Variants in KIF26A observed in about 807,000 individuals in gnomAD.
The protein encoded by KIF26A is kinesin-like protein KIF26A.
A neutral mutation model predicts 126.0 loss-of-function variants in KIF26A; 74 were observed. The ratio of observed to expected loss-of-function variants is 0.59; its 90% CI spans 0.49 to 0.71. The LOEUF (loss-of-function observed/expected upper bound fraction) is 0.71. KIF26A is among the 30% of genes least tolerant of loss of function. The pLI is 0.00. For synonymous variants in KIF26A, 1,445 were observed against 1,232.7 expected (o/e 1.17, Z -3.61); for missense variants, 2,984 against 2,763.3 (o/e 1.08, Z -1.79).
intron 5 of KIF26A, among the ~76,000 whole-genome samples, chr14:104,168,391 G>A (rs2037926494): frequency 6.6e-6 from 1 of 152,202 alleles, no homozygotes; most frequent in African/African-American, 2.4e-5. Flanking sequence ...GGCAGCCCTG[G>A]CCTGAATTGA....
chr14:104,165,561 G>C (rs1455223923), intron 4 of KIF26A, among the ~76,000 whole-genome samples: 1 of 146,144 alleles, frequency 6.8e-6, no homozygotes, highest in Admixed American at 6.7e-5. Context: ...GTGTGTCTGT[G>C]TGTTTCTGTA....
chr14:104,157,693 G>C (rs948675262), intron 3 of KIF26A, 62 bp from the exon 4 acceptor site: 134 of 1,528,306 alleles, frequency 8.8e-5, no homozygotes, highest in Non-Finnish European at 1.1e-4. Flanking sequence ...CACTCCGGGT[G>C]CCAGGGGGCA....
At chr14:104,167,455 G>A (rs753468726) in intron 5 of KIF26A, among the ~76,000 whole-genome samples, 3 of 152,112 alleles carry the variant, frequency 2.0e-5, no homozygotes, top group Non-Finnish European at 4.4e-5. Context: ...TGTGCAGGCG[G>A]GCCCCTGCCA....
intron 2 of KIF26A, among the ~76,000 whole-genome samples, chr14:104,139,924 G>T (rs2037621441): frequency 6.6e-6 from 1 of 152,210 alleles, no homozygotes; most frequent in South Asian, 2.1e-4. Flanking sequence ...CAGGGGAGGG[G>T]TTCTCCTGGA....
chr14:104,138,613 C>T lies in KIF26A; in HGVS notation c.-110C>T. 3.4e-6 allele frequency: 3 copies of T among 873,348 alleles called. No individual in the cohort carries two copies. The highest frequency in any genetic ancestry group is 4.9e-5 in the South Asian group (1 of 20,616). The allele number at this position is 873,348 out of a possible 1,614,324, so 54.1% of individuals were successfully genotyped here. A position where few individuals can be genotyped will look rare whatever the true frequency, so the allele number is the denominator to read the frequency against. ...CTCGCAGGCTCTGCGAACTTCCGAGCGGCTGGGCCGGGCCATGGGGGCGCC... is the reference window on the plus strand; with the variant it reads ...CTCGCAGGCTCTGCGAACTTCCGAGTGGCTGGGCCGGGCCATGGGGGCGCC... On this transcript the variant is annotated 5_prime_UTR_variant, in exon 1 of 15. Transcript: ENST00000423312.
intron 3 of KIF26A, among the ~76,000 whole-genome samples, chr14:104,155,838 G>A (rs551636027): frequency 2.6e-4 from 40 of 152,286 alleles, no homozygotes; most frequent in African/African-American, 9.6e-4. Context: ...GCCTGAGATG[G>A]GGGAGGGCTC....
chr14:104,144,445 C>T (rs776204515), intron 2 of KIF26A, among the ~76,000 whole-genome samples: 2 of 152,110 alleles, frequency 1.3e-5, no homozygotes, highest in Non-Finnish European at 2.9e-5. Context: ...TGCAGGCTAC[C>T]CCCAAACCTT....
In KIF26A at chr14:104,176,871, C is replaced by G; in HGVS notation, c.4083C>G (p.Pro1361=). ...TCCCGAGGCCCAGTGGGGCGGCCCCCCCGGCCCCACCCACGCGGAAGTCCA... is the reference window on the plus strand; with the variant it reads ...TCCCGAGGCCCAGTGGGGCGGCCCCGCCGGCCCCACCCACGCGGAAGTCCA... ...GFLPRPSGAA[P]PAPPTRKSSL... Residue 1361 remains proline, a synonymous_variant, in exon 12 of 15, where the codon CCC becomes CCG. Coordinates refer to ENST00000423312, the MANE Select transcript of KIF26A (RefSeq NM_015656.2). The G allele has an allele frequency of 6.5e-7, 1 of 1,542,720 alleles. No homozygotes were observed. Among genetic ancestry groups the G allele is most frequent in the Non-Finnish European group, 8.7e-7 (1 of 1,145,244 alleles).
chr14:104,179,934 G>A lies in KIF26A; in HGVS notation c.*144G>A. 7.7e-6 allele frequency: 7 copies of A among 912,482 alleles called. No homozygotes were observed. Among genetic ancestry groups the A allele is most frequent in the Admixed American group, 3.2e-5 (1 of 30,926 alleles). The allele number at this position is 912,482 out of a possible 1,614,324, so 56.5% of individuals were successfully genotyped here. The stretch of plus-strand genomic sequence containing the variant: ...GGGAGTCTCAGAGAGGAGACGGAGT[G>A]TGGGGGAGGGAGGGCCGGCCACGCG... On this transcript the variant is annotated 3_prime_UTR_variant, in exon 15 of 15. Transcript: ENST00000423312.
In KIF26A at chr14:104,176,629, C is replaced by G. The variant is rs554693329; in HGVS notation, c.3841C>G (p.Gln1281Glu). The G allele has an allele frequency of 6.2e-7, 1 of 1,607,920 alleles. No homozygotes were observed. Among genetic ancestry groups the G allele is most frequent in the South Asian group, 1.1e-5 (1 of 90,860 alleles). ...GGCCCAGGTGATGCTAGCCTGTGCC[C>G]AGAGAGTGGTGGACGGGTGTGAGGT... ...PEAQVMLACA[Q>E]RVVDGCEVAA... The change falls in exon 12 of 15, where the codon CAG becomes GAG. Residue 1281 changes from glutamine to glutamate, a missense_variant. Physicochemically the swap from Gln to Glu is conservative, Grantham distance 29. Transcript: ENST00000423312.
intron 5 of KIF26A, among the ~76,000 whole-genome samples, chr14:104,169,992 A>T (rs1027726139): frequency 2.0e-5 from 3 of 152,056 alleles, no homozygotes; most frequent in Admixed American, 2.0e-4. Flanking sequence ...CGGTGCCCCC[A>T]CTGTGGGCTG....
rs572465029 is a variant in KIF26A at position 104,138,752 on chromosome 14, T to C, written c.30T>C (p.Ala10=). 1 of 1,259,996 alleles carries C rather than the reference T, an allele frequency of 7.9e-7. No individual in the cohort carries two copies. The highest frequency in any genetic ancestry group is 9.9e-7 in the Non-Finnish European group (1 of 1,005,178). 78.1% of individuals were successfully genotyped at this position (1,259,996 alleles called of 1,614,324 possible). Residue 10 remains alanine (A), a synonymous_variant, in exon 1 of 15, where the codon GCT becomes GCC. Transcript: ENST00000423312. Reference sequence around the variant, plus strand: ...TCGGCCGCGGCGTCCCTCTGTGCGCTGCGCAGCCCGCGGTACGCGCGGCCC... The same window carrying C: ...TCGGCCGCGGCGTCCCTCTGTGCGCCGCGCAGCCCGCGGTACGCGCGGCCC... MVGRGVPLC[A]AQPAVAEGGP...
chr14:104,156,931 C>T (rs567864124), intron 3 of KIF26A, among the ~76,000 whole-genome samples: 3 of 152,120 alleles, frequency 2.0e-5, no homozygotes, highest in African/African-American at 7.2e-5. Context: ...CGTGACCTGA[C>T]CAGGCCACGG....
rs772458978 is a variant in KIF26A, at chr14:104,152,362, T to C, written c.636T>C (p.Leu212=). The C allele has an allele frequency of 7.5e-6, 12 of 1,590,134 alleles. No individual in the cohort carries two copies. Among genetic ancestry groups the C allele is most frequent in the Middle Eastern group, 3.4e-4 (2 of 5,962 alleles). The change falls in exon 3 of 15, where the codon CTT becomes CTC. Residue 212 remains leucine, a synonymous_variant. Coordinates refer to ENST00000423312, the MANE Select transcript of KIF26A (RefSeq NM_015656.2). The surrounding 1 kb of genome is among the most constrained non-coding windows in gnomAD (Gnocchi z 5.9). ...SVQVSVAPAG[L]GGALSTVTIQ... ...AGGTGTCTGTAGCACCTGCGGGTCT[T>C]GGAGGGGCGCTGAGCACGGTCACCA...
chr14:104,157,716 C>A, intron 3 of KIF26A, 39 bp from the exon 4 acceptor site: 3 of 1,587,334 alleles, frequency 1.9e-6, no homozygotes, highest in Non-Finnish European at 2.6e-6. Flanking sequence ...GGTGTCTCTG[C>A]CCTTGCGTTC....
At chr14:104,150,206 CCCT>C (rs534619963) in intron 2 of KIF26A, among the ~76,000 whole-genome samples, 8 of 73,168 alleles carry the variant, frequency 1.1e-4, no homozygotes, top group African/African-American at 2.4e-4. Flanking sequence ...CTCCCCCACC[CCCT>C]CCTCCTCCTC....
chr14:104,172,845 G>C, intron 7 of KIF26A, 132 bp from the exon 8 acceptor site: 1 of 1,299,554 alleles, frequency 7.7e-7, no homozygotes, highest in Admixed American at 2.7e-5. Context: ...GAACTGAAAG[G>C]CAGAGGGCTT....
In KIF26A at chr14:104,165,255, A is replaced by G. The variant is rs117697153; in HGVS notation, c.924-1604A>G. 1.9e-4 allele frequency among the ~76,000 whole-genome samples: 27 copies of G among 142,694 alleles called. No individual in the cohort carries two copies. The East Asian group carries it at 4.7e-3, about 25-fold the overall frequency. 93.6% of individuals were successfully genotyped at this position (142,694 alleles called of 152,430 possible). ...CATGTGTGTCTCTGTCTCCATATGC[A>G]TGTGTGTGTCTGTATCTCTATGCAT... On this transcript the variant is annotated intron_variant, in intron 4 of 14. Coordinates refer to ENST00000423312, the MANE Select transcript of KIF26A (RefSeq NM_015656.2).
intron 12 of KIF26A, 71 bp downstream of exon 12, chr14:104,177,969 A>G (rs1277969784): frequency 1.5e-5 from 21 of 1,385,214 alleles, no homozygotes; most frequent in East Asian, 5.3e-5. Context: ...AGCCCTCTAC[A>G]GTTTACAGGG....
Sources: allele counts gnomAD v4.1 joint callset (sites outside exome capture counted in the v4.1 genomes callset), GRCh38; gene constraint gnomAD v4.1.1; non-coding constraint Gnocchi (gnomAD v3.1); transcripts MANE v1.5; gene names NCBI Gene and HGNC (gene_info 2026-07-23, HGNC 2026-07-21).